Variants in CTNNA2 observed in about 807,000 individuals in gnomAD.
The protein encoded by CTNNA2 is catenin alpha 2, also known as catenin alpha-2.
Under a neutral mutation model 101.0 loss-of-function variants are expected in CTNNA2, and 42 were observed. That is an observed-to-expected ratio of 0.42 (90% confidence interval 0.32 to 0.54). CTNNA2 has a LOEUF of 0.54. Among genes scored for constraint, CTNNA2 ranks in the 20% least tolerant of loss-of-function variants. The pLI is 0.14. For synonymous variants in CTNNA2, 450 were observed against 456.4 expected (o/e 0.99, Z 0.18); for missense variants, 871 against 1,223.1 (o/e 0.71, Z 4.29).
chr2:79,906,069 A>T (rs1008286840), intron 6 of CTNNA2, among the ~76,000 whole-genome samples: 5 of 152,136 alleles, frequency 3.3e-5, no homozygotes, highest in Admixed American at 3.3e-4. Context: ...AGACAGACAC[A>T]TACAACTACA....
intron 4 of CTNNA2, among the ~76,000 whole-genome samples, chr2:79,460,559 C>T (rs551113852): frequency 2.3e-4 from 35 of 152,288 alleles, no homozygotes; most frequent in African/African-American, 7.7e-4. Context: ...ATTTCTCACC[C>T]GAATTATTAC....
chr2:79,857,716 A>C (rs1173629792), intron 3 of CTNNA2, among the ~76,000 whole-genome samples: 1 of 152,192 alleles, frequency 6.6e-6, no homozygotes, highest in Non-Finnish European at 1.5e-5. Context: ...GATTAAGCTC[A>C]AGGCAAATCC....
intron 7 of CTNNA2, among the ~76,000 whole-genome samples, chr2:80,123,724 T>G (rs1486162243): frequency 6.6e-6 from 1 of 152,154 alleles, no homozygotes; most frequent in Non-Finnish European, 1.5e-5. Context: ...AGACTGACAG[T>G]GAAACAAGCA....
chr2:79,991,323 C>T (rs1295159483), intron 7 of CTNNA2, among the ~76,000 whole-genome samples: 2 of 152,118 alleles, frequency 1.3e-5, no homozygotes, highest in Non-Finnish European at 2.9e-5. Flanking sequence ...TTGAAGTATT[C>T]AGATAAATTT....
chr2:80,025,936 CA>C (rs1275731445), intron 7 of CTNNA2, among the ~76,000 whole-genome samples: 1 of 152,086 alleles, frequency 6.6e-6, no homozygotes, highest in Non-Finnish European at 1.5e-5. Context: ...AGCTTACATG[CA>C]AGTAGGGGCA....
At chr2:80,494,418 C>A (rs1687284049) in intron 9 of CTNNA2, among the ~76,000 whole-genome samples, 1 of 152,148 alleles carries the variant, frequency 6.6e-6, no homozygotes, top group Admixed American at 6.6e-5. Flanking sequence ...GTAACAGTGG[C>A]TGTCCCTGAT....
chr2:80,392,298 A>C (rs1437493511), intron 7 of CTNNA2, among the ~76,000 whole-genome samples: 1 of 152,218 alleles, frequency 6.6e-6, no homozygotes, highest in African/African-American at 2.4e-5. Context: ...CTAGCACCAT[A>C]AATAAATCAA....
intron 1 of CTNNA2, among the ~76,000 whole-genome samples, chr2:79,524,456 A>C (rs1044353807): frequency 1.3e-5 from 2 of 151,556 alleles, no homozygotes; most frequent in African/African-American, 4.8e-5. Flanking sequence ...TGGTCCAAAA[A>C]AACGTGCCCT....
chr2:79,407,592 A>G (rs570968368), intron 4 of CTNNA2, among the ~76,000 whole-genome samples: 1 of 152,086 alleles, frequency 6.6e-6, no homozygotes, highest in South Asian at 2.1e-4. Context: ...AGTACCCTCT[A>G]GCAATGAAGA....
intron 4 of CTNNA2, among the ~76,000 whole-genome samples, chr2:79,499,738 C>G (rs774658255): frequency 7.9e-4 from 120 of 152,210 alleles, no homozygotes; most frequent in Non-Finnish European, 1.4e-3. Context: ...TTGACATTTG[C>G]TACTGCATAG....
intron 2 of CTNNA2, among the ~76,000 whole-genome samples, chr2:79,663,259 T>G (rs2104538234): frequency 6.6e-6 from 1 of 152,304 alleles, no homozygotes; most frequent in South Asian, 2.1e-4. Flanking sequence ...TCTTACTCAC[T>G]ACCTATACAT....
At chr2:79,786,578 A>G (rs1326234305) in intron 3 of CTNNA2, among the ~76,000 whole-genome samples, 2 of 152,084 alleles carry the variant, frequency 1.3e-5, no homozygotes, top group Admixed American at 6.6e-5. Flanking sequence ...CACTTTAATT[A>G]TAACGATAGT....
chr2:80,409,284 G>A (rs1679345045), intron 8 of CTNNA2, among the ~76,000 whole-genome samples: 1 of 151,632 alleles, frequency 6.6e-6, no homozygotes, highest in South Asian at 2.1e-4. Context: ...AATCTTAAGA[G>A]AATCTTTAAG....
chr2:80,358,611 C>T (rs1674082997), intron 7 of CTNNA2, among the ~76,000 whole-genome samples: 1 of 152,052 alleles, frequency 6.6e-6, no homozygotes, highest in African/African-American at 2.4e-5. Flanking sequence ...CCTGAGCTTC[C>T]CAAAGTGCTG....
At chr2:79,229,422 C>A (rs116761641) in intron 2 of CTNNA2, among the ~76,000 whole-genome samples, 1 of 152,106 alleles carries the variant, frequency 6.6e-6, no homozygotes, top group African/African-American at 2.4e-5. Context: ...CAGGGGTTTC[C>A]GCTTTTGTTT....
At position 80,618,816 on chromosome 2, in the gene CTNNA2, C is replaced by T. The variant is rs1699062898; in HGVS notation, c.2431-269C>T. 4 of 254,432 alleles carry T rather than the reference C, an allele frequency of 1.6e-5. No homozygotes were observed. The East Asian group carries it at 2.8e-4, about 18-fold the overall frequency. The allele number at this position is 254,432 out of a possible 1,614,324, so 15.8% of individuals were successfully genotyped here. On this transcript the variant is annotated intron_variant, in intron 17 of 18. Transcript: ENST00000402739. ...CCACTATAGTTGTCCCATTCAGTGC[C>T]TGACAAGGCAGGGTGCATCTTCATT...
intron 4 of CTNNA2, among the ~76,000 whole-genome samples, chr2:79,465,918 G>A (rs568618851): frequency 3.3e-5 from 5 of 152,202 alleles, no homozygotes; most frequent in South Asian, 4.2e-4. Flanking sequence ...TACAATCATG[G>A]CCAAATAGGA....
intron 14 of CTNNA2, among the ~76,000 whole-genome samples, chr2:80,584,727 C>T (rs1468347949): frequency 1.3e-5 from 2 of 152,020 alleles, no homozygotes; most frequent in Non-Finnish European, 2.9e-5. Context: ...TCGTATGCTA[C>T]CACATAAGGT....
At chr2:79,778,348 A>T (rs938148322) in intron 3 of CTNNA2, among the ~76,000 whole-genome samples, 6 of 152,126 alleles carry the variant, frequency 3.9e-5, no homozygotes, top group East Asian at 3.9e-4. Context: ...CCATCAAAAA[A>T]AAAAATAAAA....
Sources: allele counts gnomAD v4.1 joint callset (sites outside exome capture counted in the v4.1 genomes callset), GRCh38; gene constraint gnomAD v4.1.1; transcripts MANE v1.5; gene names NCBI Gene and HGNC (gene_info 2026-07-23, HGNC 2026-07-21).